The following MTDH variants were observed in gnomAD, a reference collection of about 807,000 sequenced individuals.
MTDH encodes protein LYRIC.
MTDH carries 34 observed loss-of-function variants against 72.7 expected under a neutral mutation model. The observed-to-expected ratio is 0.47, with a 90% CI of 0.36 to 0.62. The LOEUF (loss-of-function observed/expected upper bound fraction) is 0.62. Among genes scored for constraint, MTDH ranks in the 20% least tolerant of loss-of-function variants. The probability of loss-of-function intolerance (pLI) is 0.00; values close to 1 mark genes in which losing one functional copy is unlikely to be tolerated. For missense variants in MTDH, 677 were observed against 699.4 expected, an observed-to-expected ratio of 0.97 and a Z score of 0.36; for synonymous variants, 266 against 268.9, an observed-to-expected ratio of 0.99 and a Z score of 0.10.
Position 97,724,915 on chromosome 8 carries a change from A to G in MTDH, c.*245A>G. 1 of 295,068 alleles carries G rather than the reference A, an allele frequency of 3.4e-6. No homozygotes were observed. Among genetic ancestry groups the G allele is most frequent in the Non-Finnish European group, 6.3e-6 (1 of 159,444 alleles). 18.3% of individuals were successfully genotyped at this position (295,068 alleles called of 1,614,324 possible). ...AAGTCTTTTTAATAGAACAAGAACGATCTTAATTTAAGAATATTATCCTGG... is the reference window on the plus strand; with the variant it reads ...AAGTCTTTTTAATAGAACAAGAACGGTCTTAATTTAAGAATATTATCCTGG... On this transcript the variant is annotated 3_prime_UTR_variant, in exon 12 of 12. Coordinates refer to ENST00000336273, the MANE Select transcript of MTDH (RefSeq NM_178812.4).
intron 2 of MTDH, among the ~76,000 whole-genome samples, chr8:97,661,617 A>G (rs1812173909): frequency 6.6e-6 from 1 of 152,196 alleles, no homozygotes; most frequent in East Asian, 1.9e-4. Context: ...ATAATTGTCT[A>G]TTTACTAGAC....
chr8:97,694,342 C>T (rs1193333969), intron 6 of MTDH, among the ~76,000 whole-genome samples: 3 of 151,898 alleles, frequency 2.0e-5, no homozygotes, highest in Non-Finnish European at 4.4e-5. Context: ...GGATTACAGG[C>T]GTGCGCCACC....
At chr8:97,654,506 T>C (rs370023086) in intron 1 of MTDH, among the ~76,000 whole-genome samples, 7 of 152,334 alleles carry the variant, frequency 4.6e-5, no homozygotes, top group Middle Eastern at 3.4e-3. Flanking sequence ...GTCTAACTTA[T>C]CAACTACAAT....
intron 2 of MTDH, among the ~76,000 whole-genome samples, chr8:97,681,423 T>G (rs1813066912): frequency 6.6e-6 from 1 of 150,652 alleles, no homozygotes; most frequent in East Asian, 1.9e-4. Flanking sequence ...TTTTTTAAAG[T>G]AAGAATGAAA....
At chr8:97,660,016 G>A (rs577828841) in intron 1 of MTDH, among the ~76,000 whole-genome samples, 7 of 152,182 alleles carry the variant, frequency 4.6e-5, no homozygotes, top group African/African-American at 1.4e-4. Flanking sequence ...AAAATTAGCC[G>A]GGCGTGGTGG....
In MTDH at chr8:97,722,862, A is replaced by AT. The variant is rs753006866; in HGVS notation, c.1522-11dup. 3 of 1,579,896 alleles carry AT rather than the reference A, an allele frequency of 1.9e-6. No homozygotes were observed. Among genetic ancestry groups the AT allele is most frequent in the Middle Eastern group, 1.7e-4 (1 of 5,920 alleles). On this transcript the variant is annotated splice_polypyrimidine_tract_variant and intron_variant, in intron 10 of 11. Transcript: ENST00000336273. ...AAATTTCACCAAAAAACCTGAGATGATTTTTTCCTAAAATAGCCTATCAAG... is the reference window on the plus strand; with the variant it reads ...AAATTTCACCAAAAAACCTGAGATGATTTTTTTCCTAAAATAGCCTATCAAG...
rs1455739547 is a variant in MTDH, at chr8:97,729,877, C to T, written c.*5207C>T. 1.3e-5 allele frequency among the ~76,000 whole-genome samples: 2 copies of T among 152,144 alleles called. No homozygotes were observed. The highest frequency in any genetic ancestry group is 6.6e-5 in the Admixed American group (1 of 15,250). On this transcript the variant is annotated 3_prime_UTR_variant, in exon 12 of 12. Transcript: ENST00000336273. ...CAGAGGCTGAGAGAAACTTAGTAGC[C>T]TGCCTGCGCATACTGCAAGTACAGA...
intron 1 of MTDH, among the ~76,000 whole-genome samples, chr8:97,645,549 T>C (rs1811534320): frequency 6.6e-6 from 1 of 152,176 alleles, no homozygotes; most frequent in Admixed American, 6.5e-5. Flanking sequence ...GAGAAAGAGC[T>C]AAGGCGAGTT....
chr8:97,706,538 G>T (rs1191202330), intron 7 of MTDH, 88 bp from the exon 8 acceptor site: 15 of 1,268,762 alleles, frequency 1.2e-5, no homozygotes, highest in Non-Finnish European at 1.6e-5. Context: ...TAAAATTACA[G>T]CTTAGTTGAA....
chr8:97,709,159 A>C (rs1315721565), intron 8 of MTDH, among the ~76,000 whole-genome samples: 1 of 150,190 alleles, frequency 6.7e-6, no homozygotes, highest in Non-Finnish European at 1.5e-5. Flanking sequence ...GTGCCACTGC[A>C]CTCCAGCCTG....
intron 6 of MTDH, among the ~76,000 whole-genome samples, chr8:97,693,221 T>C (rs1813690460): frequency 1.3e-5 from 2 of 152,252 alleles, no homozygotes; most frequent in Non-Finnish European, 1.5e-5. Context: ...ATTTTTTTTT[T>C]CCGCCTTTTC....
intron 1 of MTDH, among the ~76,000 whole-genome samples, chr8:97,649,813 C>T (rs1195818847): frequency 2.6e-5 from 4 of 152,216 alleles, no homozygotes; most frequent in East Asian, 1.9e-4. Flanking sequence ...ATGTTGCCCA[C>T]GCATGGACTC....
intron 2 of MTDH, among the ~76,000 whole-genome samples, chr8:97,675,381 C>T (rs760588046): frequency 3.3e-5 from 5 of 151,418 alleles, no homozygotes; most frequent in African/African-American, 9.7e-5. Context: ...GCCGACATGG[C>T]GAAACCCAGT....
chr8:97,718,960 T>C lies in MTDH; in HGVS notation c.1381-89T>C. On this transcript the variant is annotated intron_variant, in intron 9 of 11. Transcript: ENST00000336273. Reference sequence around the variant, plus strand: ...ATTCACCCACCTCCGCCTCCCAGAGTGCTGGGATTACAGCCATACACCACC... The same window carrying C: ...ATTCACCCACCTCCGCCTCCCAGAGCGCTGGGATTACAGCCATACACCACC... 3 of 1,215,444 alleles carry C rather than the reference T, an allele frequency of 2.5e-6. No individual in the cohort carries two copies. The Admixed American group carries it at 7.4e-5, about 30-fold the overall frequency. 75.3% of individuals were successfully genotyped at this position (1,215,444 alleles called of 1,614,324 possible). A position where few individuals can be genotyped will look rare whatever the true frequency, so the allele number is the denominator to read the frequency against.
In MTDH at chr8:97,663,524, A is replaced by G. The variant is rs890077341; in HGVS notation, c.483+2351A>G. Among the ~76,000 whole-genome samples the G allele has an allele frequency of 2.6e-5, 4 of 152,026 alleles. 1 individual carries two copies. Among genetic ancestry groups the G allele is most frequent in the South Asian group, 4.2e-4 (2 of 4,818 alleles). The stretch of plus-strand genomic sequence containing the variant: ...AGCACTTTGGGAGGCCGAGGCGGGC[A>G]GATCACGAGGTCAGGAGATCGAGAC... On this transcript the variant is annotated intron_variant, in intron 2 of 11. Transcript: ENST00000336273.
At chr8:97,722,463 G>A (rs568758122) in intron 10 of MTDH, among the ~76,000 whole-genome samples, 1 of 151,950 alleles carries the variant, frequency 6.6e-6, no homozygotes, top group East Asian at 1.9e-4. Context: ...ATAGCTGGGC[G>A]TGGTGGCACA....
intron 2 of MTDH, among the ~76,000 whole-genome samples, chr8:97,683,795 C>T (rs1189348937): frequency 3.3e-5 from 5 of 152,072 alleles, no homozygotes; most frequent in Non-Finnish European, 7.4e-5. Flanking sequence ...CCACTTGCCA[C>T]GTGTGGATAT....
At chr8:97,697,131 T>G (rs184653628) in intron 6 of MTDH, among the ~76,000 whole-genome samples, 1 of 67,604 alleles carries the variant, frequency 1.5e-5, no homozygotes, top group Non-Finnish European at 2.5e-5. Context: ...AAAAAAAAAA[T>G]ATATATATAT....
chr8:97,730,207 A>G lies in MTDH; in HGVS notation c.*5537A>G, dbSNP rs570974576. Among the ~76,000 whole-genome samples the G allele has an allele frequency of 6.6e-5, 10 of 152,298 alleles. No individual in the cohort carries two copies. Among genetic ancestry groups the G allele is most frequent in the Non-Finnish European group, 1.0e-4 (7 of 68,020 alleles). ...CAAGGCATTTAAAATGAATATATGT[A>G]ACATGTACCTAAGTTTTAAAAGCAT... On this transcript the variant is annotated 3_prime_UTR_variant, in exon 12 of 12. Transcript: ENST00000336273.
Sources: gnomAD v4.1 joint callset for allele counts (sites outside exome capture counted in the v4.1 genomes callset) on GRCh38, gnomAD v4.1.1 for gene constraint, MANE v1.5 for transcripts, NCBI Gene and HGNC (gene_info 2026-07-23, HGNC 2026-07-21) for gene names.